Variants in CKLF observed in about 807,000 individuals in gnomAD.
CKLF encodes the protein chemokine like factor.
In CKLF, 16 loss-of-function variants were observed where a neutral mutation model predicts 12.9. The observed-to-expected ratio is 1.24, with a 90% CI of 0.84 to 1.88. CKLF has a LOEUF of 1.88. Among genes scored for constraint, CKLF ranks in the 40% most tolerant of loss-of-function variants. CKLF has a pLI of 0.00. For missense variants in CKLF, 172 were observed against 188.5 expected (o/e 0.91, Z 0.51); for synonymous variants, 61 against 69.0 (o/e 0.88, Z 0.57).
intron 3 of CKLF, among the ~76,000 whole-genome samples, chr16:66,564,934 C>G (rs537851176): frequency 6.6e-6 from 1 of 152,020 alleles, no homozygotes; most frequent in African/African-American, 2.4e-5. Context: ...AAGTGGAAAC[C>G]GCTGTATATA....
At chr16:66,560,403 G>A (rs1407613185) in intron 2 of CKLF, among the ~76,000 whole-genome samples, 1 of 152,136 alleles carries the variant, frequency 6.6e-6, no homozygotes, top group East Asian at 1.9e-4. Flanking sequence ...CAGATGATCA[G>A]CCTCCATGTC....
Position 66,558,347 on chromosome 16 carries a change from T to G in CKLF, c.236T>G (p.Leu79Arg). ...RLMKWLFWPL[L>R]DIINSLVTTV... ...ATGAAGTGGTTATTTTGGCCTTTGC[T>G]TGTAAGTGTTCAGTTTCATCCTTAA... Residue 79 changes from leucine to arginine, a missense_variant and splice_region_variant, in exon 2 of 4, where the codon CTT becomes CGT. Coordinates refer to ENST00000264001, the MANE Select transcript of CKLF (RefSeq NM_016951.4). 1.2e-6 allele frequency: 2 copies of G among 1,601,926 alleles called. No homozygotes were observed.
chr16:66,557,734 G>A lies in CKLF; in HGVS notation c.79-456G>A, dbSNP rs551097174. On this transcript the variant is annotated intron_variant, in intron 1 of 3. Coordinates refer to ENST00000264001, the MANE Select transcript of CKLF (RefSeq NM_016951.4). The stretch of plus-strand genomic sequence containing the variant: ...AACTGAGATGTTTCTAGGATGATGA[G>A]AAAAGGAGCTAGCAGAGGACAGATT... Among the ~76,000 whole-genome samples, 6 of 152,340 alleles carry A rather than the reference G, an allele frequency of 3.9e-5. No individual in the cohort carries two copies. In the East Asian group the frequency reaches 7.7e-4, roughly 20 times the overall value.
chr16:66,566,244 G>A (rs1415472291), downstream of CKLF: 2 of 1,469,238 alleles, frequency 1.4e-6, no homozygotes, highest in Non-Finnish European at 1.8e-6. The surrounding 1 kb of genome is among the most constrained non-coding windows in gnomAD (Gnocchi z 4.9). Context: ...ATCCGCCTCA[G>A]GGATCTTTGA....
intron 2 of CKLF, among the ~76,000 whole-genome samples, chr16:66,558,868 A>G (rs536653825): frequency 1.3e-5 from 2 of 152,356 alleles, no homozygotes; most frequent in Non-Finnish European, 2.9e-5. Context: ...CTTATATTTC[A>G]TAGTATATAG....
chr16:66,559,328 C>G (rs1481335794), intron 2 of CKLF, among the ~76,000 whole-genome samples: 1 of 152,134 alleles, frequency 6.6e-6, no homozygotes, highest in East Asian at 1.9e-4. Context: ...AAATCATAAG[C>G]TTTTTAAAAG....
chr16:66,560,694 G>A (rs1180522172), intron 2 of CKLF, among the ~76,000 whole-genome samples: 1 of 151,786 alleles, frequency 6.6e-6, no homozygotes, highest in South Asian at 2.1e-4. Flanking sequence ...GATGAGGAGT[G>A]GCCAGAAAAG....
chr16:66,566,089 T>G, downstream of CKLF: 1 of 1,611,970 alleles, frequency 6.2e-7, no homozygotes, highest in Middle Eastern at 1.8e-4. The surrounding 1 kb of genome is among the most constrained non-coding windows in gnomAD (Gnocchi z 4.9). Context: ...GCAGTTATTT[T>G]AACTCAGTAT....
In CKLF at chr16:66,552,593, G is replaced by T. The variant is rs879520049; in HGVS notation, c.-123G>T. ...CGCAAGAGAGCGGGAAGCCGAGCTGGGCGAGAAGTAGGGGAGGGCGGTGCT... is the reference window on the plus strand; with the variant it reads ...CGCAAGAGAGCGGGAAGCCGAGCTGTGCGAGAAGTAGGGGAGGGCGGTGCT... On this transcript the variant is annotated 5_prime_UTR_variant, in exon 1 of 4. Coordinates refer to ENST00000264001, the MANE Select transcript of CKLF (RefSeq NM_016951.4). 4 of 1,487,478 alleles carry T rather than the reference G, an allele frequency of 2.7e-6. No homozygotes were observed. The Admixed American group carries it at 7.1e-5, about 27-fold the overall frequency. The allele number at this position is 1,487,478 out of a possible 1,614,324, so 92.1% of individuals were successfully genotyped here.
chr16:66,563,369 G>A (rs972638747), intron 3 of CKLF, 152 bp downstream of exon 3: 26 of 885,108 alleles, frequency 2.9e-5, no homozygotes, highest in Non-Finnish European at 4.1e-5. Context: ...ATTTTTGTCT[G>A]TGAATGCTTG....
At chr16:66,561,600 G>C (rs1338892944) in intron 2 of CKLF, among the ~76,000 whole-genome samples, 1 of 152,002 alleles carries the variant, frequency 6.6e-6, no homozygotes, top group Non-Finnish European at 1.5e-5. Flanking sequence ...GTAGGAGTGT[G>C]GTCTGTTGCC....
intron 2 of CKLF, 73 bp from the exon 3 acceptor site, chr16:66,563,049 T>G (rs1567551617): frequency 6.4e-7 from 1 of 1,571,562 alleles, no homozygotes; most frequent in South Asian, 1.1e-5. Context: ...GTTGTTTTTT[T>G]GTTTTTTGTT....
At position 66,565,638 on chromosome 16, in the gene CKLF, CTGCTTTATTAT is replaced by C; in HGVS notation, c.334-246_334-236del. The C allele has an allele frequency of 6.0e-6, 3 of 501,164 alleles. 1 individual carries two copies. The South Asian group carries it at 7.7e-5, about 13-fold the overall frequency. The allele number at this position is 501,164 out of a possible 1,614,324, so 31.0% of individuals were successfully genotyped here. Reference sequence around the variant, plus strand: ...ACAAGTATGGATTTCAGAGCCCACACTGCTTTATTATTTTTCTGCTCACTTAAATTATCTTT... The same window carrying C: ...ACAAGTATGGATTTCAGAGCCCACACTTTTCTGCTCACTTAAATTATCTTT... On this transcript the variant is annotated intron_variant, in intron 3 of 3. Transcript: ENST00000264001.
intron 1 of CKLF, 23 bp downstream of exon 1, chr16:66,552,816 G>A (rs745641076): frequency 4.3e-6 from 7 of 1,613,886 alleles, no homozygotes; most frequent in Non-Finnish European, 4.2e-6. Flanking sequence ...CGCGGAGGGC[G>A]GGAGGCTGAT....
chr16:66,554,385 A>G (rs997887832), intron 1 of CKLF, among the ~76,000 whole-genome samples: 1 of 152,250 alleles, frequency 6.6e-6, no homozygotes, highest in Non-Finnish European at 1.5e-5. Context: ...GAGTAAAGGC[A>G]TGGAGGCAAA....
At chr16:66,554,148 A>C (rs953325826) in intron 1 of CKLF, among the ~76,000 whole-genome samples, 1 of 152,238 alleles carries the variant, frequency 6.6e-6, no homozygotes, top group African/African-American at 2.4e-5. Flanking sequence ...TGAATACTTA[A>C]TATGGTCCAA....
intron 1 of CKLF, among the ~76,000 whole-genome samples, chr16:66,556,449 C>T (rs1471526045): frequency 6.6e-6 from 1 of 151,974 alleles, no homozygotes; most frequent in Non-Finnish European, 1.5e-5. Flanking sequence ...GAAACAAAGG[C>T]CAGGAGCTTA....
At chr16:66,566,249 C>T, downstream of CKLF, 1 of 1,462,306 alleles carries the variant, frequency 6.8e-7, no homozygotes, top group South Asian at 1.4e-5. This position sits in a 1 kb window ranked among gnomAD's most constrained non-coding sequence, Gnocchi z 4.9. Flanking sequence ...CCTCAGGGAT[C>T]TTTGAATCTC....
In CKLF at chr16:66,552,797, A is replaced by C. The variant is rs773495496; in HGVS notation, c.78+4A>C. On this transcript the variant is annotated splice_donor_region_variant and intron_variant, in intron 1 of 3. Coordinates refer to ENST00000264001, the MANE Select transcript of CKLF (RefSeq NM_016951.4). ...CCACGTGAAGATGCTGCGGCTGGTG[A>C]GGCCGGGCCGCGGAGGGCGGGAGGC... is the stretch of plus-strand genomic sequence containing the variant. 1.2e-6 allele frequency: 2 copies of C among 1,613,936 alleles called. No individual in the cohort carries two copies. The highest frequency in any genetic ancestry group is 1.7e-6 in the Non-Finnish European group (2 of 1,179,908).
Sources: allele counts gnomAD v4.1 joint callset (sites outside exome capture counted in the v4.1 genomes callset), GRCh38; gene constraint gnomAD v4.1.1; non-coding constraint Gnocchi (gnomAD v3.1); transcripts MANE v1.5; gene names NCBI Gene and HGNC (gene_info 2026-07-23, HGNC 2026-07-21).